The following UNC13C variants were observed in gnomAD, a reference collection of about 807,000 sequenced individuals.
UNC13C encodes the protein protein unc-13 homolog C.
In UNC13C, 174 loss-of-function variants were observed where a neutral mutation model predicts 245.4. The observed-to-expected ratio is 0.71, with a 90% CI of 0.63 to 0.80. UNC13C has a LOEUF of 0.80. UNC13C is among the 30% of genes least tolerant of loss of function. The pLI, the probability that UNC13C is intolerant of heterozygous loss-of-function variation, is 0.00. For missense variants in UNC13C, 2,829 were observed against 2,602.9 expected, an observed-to-expected ratio of 1.09 and a Z score of -1.89; for synonymous variants, 992 against 895.1, an observed-to-expected ratio of 1.11 and a Z score of -1.93.
At chr15:54,374,380 G>T (rs1415970161) in intron 17 of UNC13C, among the ~76,000 whole-genome samples, 1 of 152,104 alleles carries the variant, frequency 6.6e-6, no homozygotes, top group Non-Finnish European at 1.5e-5. Flanking sequence ...GGCAGCCTCA[G>T]TAACCCCCAC....
intron 30 of UNC13C, among the ~76,000 whole-genome samples, chr15:54,607,023 A>G (rs1899802667): frequency 6.6e-6 from 1 of 152,296 alleles, no homozygotes. Context: ...GAAATCAGGG[A>G]AGGTTTTGTG....
Position 54,105,388 on chromosome 15 carries a change from C to A in UNC13C, c.2984-37630C>A, listed in dbSNP as rs190037926. 3.8e-3 allele frequency among the ~76,000 whole-genome samples: 583 copies of A among 152,218 alleles called. 5 individuals are homozygous for A. The highest frequency in any genetic ancestry group is 0.013 in the African/African-American group (560 of 41,518). Reference sequence around the variant, plus strand: ...CCACCTGCTGCATCTCAATGTGGAGCCTGTCAGGGTTCTTCTGATAAGAAT... The same window carrying A: ...CCACCTGCTGCATCTCAATGTGGAGACTGTCAGGGTTCTTCTGATAAGAAT... On this transcript the variant is annotated intron_variant, in intron 2 of 32. Coordinates refer to ENST00000260323, the MANE Select transcript of UNC13C (RefSeq NM_001080534.3).
intron 17 of UNC13C, among the ~76,000 whole-genome samples, chr15:54,371,315 G>A (rs552137388): frequency 5.9e-5 from 9 of 152,110 alleles, no homozygotes; most frequent in East Asian, 1.9e-4. Flanking sequence ...TTCATTTAAC[G>A]TAACTGGAAT....
At chr15:54,586,547 CTTAA>C (rs1566924875) in intron 30 of UNC13C, among the ~76,000 whole-genome samples, 1 of 152,186 alleles carries the variant, frequency 6.6e-6, no homozygotes. Context: ...CTCATCTAAC[CTTAA>C]TTAACTTTTT....
chr15:54,002,678 T>C (rs989349306), intron 1 of UNC13C, among the ~76,000 whole-genome samples: 1 of 152,202 alleles, frequency 6.6e-6, no homozygotes. Context: ...CCATCAATAA[T>C]TCTAACAAAT....
intron 2 of UNC13C, among the ~76,000 whole-genome samples, chr15:54,128,850 C>G (rs145510549): frequency 6.6e-6 from 1 of 152,178 alleles, no homozygotes; most frequent in Non-Finnish European, 1.5e-5. Flanking sequence ...CTTCCCATCA[C>G]TGATATCAGG....
At chr15:54,064,006 G>A (rs1897961554) in intron 2 of UNC13C, among the ~76,000 whole-genome samples, 1 of 152,150 alleles carries the variant, frequency 6.6e-6, no homozygotes, top group Non-Finnish European at 1.5e-5. Flanking sequence ...GAAAACAGGA[G>A]ATGGATTTAT....
At chr15:54,448,603 CT>C (rs543155062) in intron 19 of UNC13C, among the ~76,000 whole-genome samples, 1 of 152,002 alleles carries the variant, frequency 6.6e-6, no homozygotes, top group East Asian at 1.9e-4. Context: ...CAACCCCTGC[CT>C]TTTTTTGTTC....
At chr15:54,081,874 G>A (rs1474566516) in intron 2 of UNC13C, among the ~76,000 whole-genome samples, 2 of 152,010 alleles carry the variant, frequency 1.3e-5, no homozygotes, top group Non-Finnish European at 2.9e-5. Context: ...GCTGCTTTAT[G>A]GGATCTGTGA....
chr15:54,474,015 A>T (rs888450708), intron 19 of UNC13C, among the ~76,000 whole-genome samples: 2 of 151,830 alleles, frequency 1.3e-5, no homozygotes, highest in Admixed American at 6.6e-5. Flanking sequence ...TAATGTCATT[A>T]TTTTTATGGC....
intron 14 of UNC13C, among the ~76,000 whole-genome samples, chr15:54,327,790 A>G (rs1451765465): frequency 2.0e-5 from 3 of 152,182 alleles, no homozygotes; most frequent in African/African-American, 7.2e-5. Flanking sequence ...AATTACAGGC[A>G]TGGAAGTTAG....
intron 25 of UNC13C, among the ~76,000 whole-genome samples, chr15:54,526,105 T>A (rs1365648973): frequency 6.6e-6 from 1 of 152,172 alleles, no homozygotes; most frequent in East Asian, 1.9e-4. Flanking sequence ...TATACCAAAT[T>A]GTCAGGATTC....
At chr15:53,898,267 T>C in the UNC13C span, among the ~76,000 whole-genome samples, 1,908 of 152,258 alleles carry the variant, frequency 0.013, 38 homozygotes, top group African/African-American at 0.045. Flanking sequence ...ATTCAATTAT[T>C]TTTAAACCAG....
At chr15:54,362,543 C>T (rs112013929) in intron 17 of UNC13C, among the ~76,000 whole-genome samples, 3 of 152,224 alleles carry the variant, frequency 2.0e-5, no homozygotes, top group African/African-American at 4.8e-5. Context: ...TATATTCCAC[C>T]ATCATGCTGA....
intron 1 of UNC13C, among the ~76,000 whole-genome samples, chr15:53,997,836 T>C (rs1371512653): frequency 1.3e-5 from 2 of 152,148 alleles, no homozygotes; most frequent in African/African-American, 2.4e-5. Context: ...ACCATCTCAC[T>C]CTGTTGCCCA....
chr15:54,559,977 C>T (rs909548836), intron 29 of UNC13C, among the ~76,000 whole-genome samples: 11 of 151,680 alleles, frequency 7.3e-5, no homozygotes, highest in Non-Finnish European at 1.0e-4. Context: ...ATTTTATGGG[C>T]GGGAAGAACA....
intron 2 of UNC13C, among the ~76,000 whole-genome samples, chr15:54,088,422 A>G (rs73420909): frequency 2.1e-3 from 320 of 152,160 alleles, no homozygotes; most frequent in African/African-American, 7.4e-3. Context: ...AATGTTTTTA[A>G]TCCACATCGG....
At position 54,198,681 on chromosome 15, in the gene UNC13C, G is replaced by A. The variant is rs116137434; in HGVS notation, c.3072-36349G>A. Among the ~76,000 whole-genome samples the A allele has an allele frequency of 2.9e-3, 448 of 152,252 alleles. 3 individuals are homozygous for A. Among genetic ancestry groups the A allele is most frequent in the African/African-American group, 0.01 (430 of 41,564 alleles). On this transcript the variant is annotated intron_variant, in intron 4 of 32. Coordinates refer to ENST00000260323, the MANE Select transcript of UNC13C (RefSeq NM_001080534.3). ...AGTAGGAGAGCACCACATCAAGGGAGCACTCCGTGGGACAAAAGATCTGAA... is the reference window on the plus strand; with the variant it reads ...AGTAGGAGAGCACCACATCAAGGGAACACTCCGTGGGACAAAAGATCTGAA...
intron 19 of UNC13C, among the ~76,000 whole-genome samples, chr15:54,475,317 ATTATTATAC>A: frequency 9.0e-6 from 1 of 110,790 alleles, no homozygotes; most frequent in South Asian, 3.0e-4. Context: ...TATTATTATT[ATTATTATAC>A]TTTAAGTTTT....
Sources: allele counts gnomAD v4.1 joint callset (sites outside exome capture counted in the v4.1 genomes callset), GRCh38; gene constraint gnomAD v4.1.1; transcripts MANE v1.5; gene names NCBI Gene and HGNC (gene_info 2026-07-23, HGNC 2026-07-21).